The following SETBP1 variants were observed in gnomAD, a reference collection of about 807,000 sequenced individuals.
SETBP1 encodes the protein SET-binding protein.
SETBP1 carries 9 observed loss-of-function variants against 101.0 expected under a neutral mutation model. That is an observed-to-expected ratio of 0.09 (90% CI 0.05 to 0.16). SETBP1 has a LOEUF of 0.16. Ranked by LOEUF, SETBP1 falls within the 10% of genes least tolerant of loss-of-function variation. SETBP1 has a pLI of 1.00. For missense variants in SETBP1, 1,858 were observed against 2,033.8 expected, an observed-to-expected ratio of 0.91 and a Z score of 1.66; for synonymous variants, 818 against 788.5, an observed-to-expected ratio of 1.04 and a Z score of -0.63.
At chr18:44,918,973 A>C (rs1036399932) in intron 3 of SETBP1, among the ~76,000 whole-genome samples, 5 of 152,150 alleles carry the variant, frequency 3.3e-5, no homozygotes. Context: ...CCCACTTTGG[A>C]TTCTGCTGGA....
intron 1 of SETBP1, among the ~76,000 whole-genome samples, chr18:44,693,989 T>C (rs1363391855): frequency 2.0e-5 from 3 of 152,186 alleles, no homozygotes; most frequent in African/African-American, 7.2e-5. Flanking sequence ...TGGGCAGAGA[T>C]GTTGCTTCAA....
intron 2 of SETBP1, among the ~76,000 whole-genome samples, chr18:44,843,776 C>T (rs956387331): frequency 4.6e-5 from 7 of 152,146 alleles, no homozygotes; most frequent in African/African-American, 1.7e-4. Flanking sequence ...CAGTTTCTCA[C>T]GTGAGGCTAG....
chr18:44,947,856 G>A (rs2145081976), intron 3 of SETBP1, among the ~76,000 whole-genome samples: 1 of 152,264 alleles, frequency 6.6e-6, no homozygotes, highest in South Asian at 2.1e-4. Context: ...AGGTGCTCCA[G>A]TATGAGTAAT....
Position 44,951,168 on chromosome 18 carries a change from G to A in SETBP1, c.1828G>A (p.Val610Ile), listed in dbSNP as rs200927313. 4.8e-5 allele frequency: 78 copies of A among 1,614,064 alleles called. No homozygotes were observed. In the East Asian group the frequency reaches 8.2e-4, roughly 17 times the overall value. The change falls in exon 4 of 6, where the codon GTC (valine) becomes ATC (isoleucine). Residue 610 changes from valine (V) to isoleucine (I), a missense_variant. Physicochemically the swap from Val to Ile is conservative, Grantham distance 29 (BLOSUM62 3). This residue lies in a region of SETBP1 where 24 missense variants were observed against 68.4 expected (regional missense o/e 0.35). Transcript: ENST00000649279. The surrounding 1 kb of genome is among the most constrained non-coding windows in gnomAD (Gnocchi z 7.8). ...TIHEGTSTSP[V>I]SPISREFPGT... is the part of the protein sequence containing the mutation. Reference sequence around the variant, plus strand: ...TCATGAGGGAACTTCCACCAGCCCCGTCAGTCCCATCAGCCGAGAGTTTCC... The same window carrying A: ...TCATGAGGGAACTTCCACCAGCCCCATCAGTCCCATCAGCCGAGAGTTTCC...
intron 2 of SETBP1, among the ~76,000 whole-genome samples, chr18:44,851,043 G>T (rs2072845598): frequency 6.6e-6 from 1 of 152,196 alleles, no homozygotes; most frequent in African/African-American, 2.4e-5. Context: ...AGGGGGTCCT[G>T]AAGTGCACTA....
intron 2 of SETBP1, among the ~76,000 whole-genome samples, chr18:44,710,634 T>C (rs2069318437): frequency 1.3e-5 from 2 of 152,090 alleles, no homozygotes. Context: ...GTATTTTTAG[T>C]AGAGACGAGG....
intron 4 of SETBP1, among the ~76,000 whole-genome samples, chr18:45,004,916 G>T (rs2145350320): frequency 6.6e-6 from 1 of 152,314 alleles, no homozygotes; most frequent in African/African-American, 2.4e-5. Context: ...ATCCTGATAA[G>T]CTTCTCCATC....
chr18:44,831,717 T>C (rs926731767), intron 2 of SETBP1, among the ~76,000 whole-genome samples: 1 of 152,198 alleles, frequency 6.6e-6, no homozygotes, highest in Non-Finnish European at 1.5e-5. Flanking sequence ...CATATACATG[T>C]TCTATAAATG....
intron 2 of SETBP1, among the ~76,000 whole-genome samples, chr18:44,868,729 A>T (rs868749076): frequency 3.5e-5 from 2 of 57,700 alleles, no homozygotes; most frequent in African/African-American, 1.0e-4. Flanking sequence ...GAAGGAAGGA[A>T]GGAAGGAAGG....
intron 3 of SETBP1, among the ~76,000 whole-genome samples, chr18:44,888,657 T>A (rs1375502472): frequency 6.6e-6 from 1 of 152,150 alleles, no homozygotes; most frequent in African/African-American, 2.4e-5. Flanking sequence ...TGGCCTTATA[T>A]GAGCAGTGAC....
At chr18:44,839,087 A>C (rs79384317) in intron 2 of SETBP1, among the ~76,000 whole-genome samples, 6 of 145,894 alleles carry the variant, frequency 4.1e-5, no homozygotes, top group East Asian at 2.0e-4. Flanking sequence ...AAAAAAAAAA[A>C]CCCAGCCTTC....
chr18:44,916,534 G>T (rs537805952), intron 3 of SETBP1, among the ~76,000 whole-genome samples: 33 of 151,906 alleles, frequency 2.2e-4, no homozygotes, highest in African/African-American at 8.0e-4. Context: ...TGTAAATATT[G>T]CTACAGCCCA....
intron 1 of SETBP1, among the ~76,000 whole-genome samples, chr18:44,682,290 G>A (rs1367389143): frequency 6.6e-6 from 1 of 152,222 alleles, no homozygotes; most frequent in African/African-American, 2.4e-5. Flanking sequence ...GGTATTTGGA[G>A]AGGAAGGGCG....
At position 45,053,184 on chromosome 18, in the gene SETBP1, G is replaced by T. The variant is rs1053724858; in HGVS notation, c.4172-9895G>T. On this transcript the variant is annotated intron_variant, in intron 5 of 5. Coordinates refer to ENST00000649279, the MANE Select transcript of SETBP1 (RefSeq NM_015559.3). ...TAGCTTTTTTTAATATAAATGTGGT[G>T]CCTTGAACACAGAAAATAATCAAAC... 3.3e-5 allele frequency among the ~76,000 whole-genome samples: 5 copies of T among 152,144 alleles called. No individual in the cohort carries two copies. The South Asian group carries it at 6.2e-4, about 19-fold the overall frequency.
At chr18:44,787,766 A>G (rs1170267922) in intron 2 of SETBP1, among the ~76,000 whole-genome samples, 1 of 141,060 alleles carries the variant, frequency 7.1e-6, no homozygotes, top group Non-Finnish European at 1.5e-5. Context: ...AGGCAGGAGA[A>G]TGGCGTGAAC....
At chr18:45,020,258 TAAAAAAAAAAAAAAAAAAAAAAA>T (rs57134217) in intron 4 of SETBP1, among the ~76,000 whole-genome samples, 4 of 53,064 alleles carry the variant, frequency 7.5e-5, no homozygotes, top group Admixed American at 2.8e-4. Context: ...GACTCTGTCT[TAAAAAAAAAAAAAAAAAAAAAAA>T]AAAAAAAAAA....
chr18:44,831,899 CTG>C (rs1156532755), intron 2 of SETBP1, among the ~76,000 whole-genome samples: 3 of 152,170 alleles, frequency 2.0e-5, no homozygotes, highest in African/African-American at 7.2e-5. Context: ...CCTTGACCTT[CTG>C]TGGGACTGAG....
At chr18:45,018,868 A>C (rs539820228) in intron 4 of SETBP1, among the ~76,000 whole-genome samples, 1 of 152,330 alleles carries the variant, frequency 6.6e-6, no homozygotes, top group Non-Finnish European at 1.5e-5. Context: ...AAGGTCACGG[A>C]TGTGGAAGTT....
intron 3 of SETBP1, among the ~76,000 whole-genome samples, chr18:44,916,765 C>G (rs2070438375): frequency 2.0e-5 from 3 of 152,252 alleles, no homozygotes; most frequent in Admixed American, 2.0e-4. Flanking sequence ...TTCTGTCAAC[C>G]TCAGACAAGT....
Sources: gnomAD v4.1 joint callset for allele counts (sites outside exome capture counted in the v4.1 genomes callset) on GRCh38, gnomAD v4.1.1 for gene constraint, gnomAD v4.1.1 regional missense constraint, Gnocchi (gnomAD v3.1) non-coding constraint, MANE v1.5 for transcripts, NCBI Gene and HGNC (gene_info 2026-07-23, HGNC 2026-07-21) for gene names.